TJP1: variants seen among roughly 807,000 people sequenced by gnomAD.
TJP1 encodes the protein tight junction protein 1.
TJP1 carries 43 observed loss-of-function variants against 194.2 expected under a neutral mutation model. The ratio of observed to expected loss-of-function variants is 0.22; its 90% confidence interval spans 0.17 to 0.29. TJP1 has a LOEUF of 0.29. Among genes scored for constraint, TJP1 ranks in the 10% least tolerant of loss-of-function variants. TJP1 has a pLI of 1.00. For missense variants in TJP1, 1,971 were observed against 2,185.7 expected, an observed-to-expected ratio of 0.90 and a Z score of 1.96; for synonymous variants, 801 against 779.0, an observed-to-expected ratio of 1.03 and a Z score of -0.47.
chr15:29,854,340 C>G (rs1363149110), intron 2 of TJP1, among the ~76,000 whole-genome samples: 1 of 151,994 alleles, frequency 6.6e-6, no homozygotes, highest in Non-Finnish European at 1.5e-5. Context: ...AAAAAAGGGT[C>G]TCTATAGATG....
rs1300066104 is a variant in TJP1 at position 29,935,881 on chromosome 15, G to T, written c.306+20351C>A. Among the ~76,000 whole-genome samples, 4 of 151,948 alleles carry T rather than the reference G, an allele frequency of 2.6e-5. No individual in the cohort carries two copies. In the East Asian group the frequency reaches 7.7e-4, roughly 29 times the overall value. ...GCCAGCTCTCCACTGCCACCCCCAG[G>T]CAGATGTGCTTTGCTGGAGAGAGTG... is the stretch of plus-strand genomic sequence containing the variant. On this transcript the variant is annotated intron_variant, in intron 2 of 28. Coordinates refer to the TJP1 transcript ENST00000356107.
Position 29,708,608 on chromosome 15 carries a change from T to C in TJP1, c.4801A>G (p.Lys1601Glu), listed in dbSNP as rs2151021137. ...GTGCTGATATTATTTATTTGATATT[T>C]AGGCTTCTCTGCATGGATAGAGAAA... Reference protein sequence around the residue: ...ETFSIHAEKPKYQINNISTVP... With the variant: ...ETFSIHAEKPEYQINNISTVP... The change falls in exon 25 of 28, where the codon AAA becomes GAA. Residue 1601 changes from lysine to glutamate, a missense_variant. Transcript: ENST00000614355. The C allele has an allele frequency of 1.2e-6, 2 of 1,614,020 alleles. No homozygotes were observed. Among genetic ancestry groups the C allele is most frequent in the African/African-American group, 2.7e-5 (2 of 75,056 alleles).
chr15:29,881,990 G>A (rs1160832172), intron 2 of TJP1, among the ~76,000 whole-genome samples: 1 of 151,746 alleles, frequency 6.6e-6, no homozygotes, highest in Non-Finnish European at 1.5e-5. Flanking sequence ...GTTCATCATT[G>A]TTAGGGTGGT....
intron 2 of TJP1, among the ~76,000 whole-genome samples, chr15:29,773,848 A>C (rs1419002743): frequency 1.3e-5 from 2 of 152,252 alleles, no homozygotes; most frequent in East Asian, 3.8e-4. Context: ...TCTGTAGAAT[A>C]TAATGCCTTG....
intron 2 of TJP1, among the ~76,000 whole-genome samples, chr15:29,954,386 T>A (rs1014723978): frequency 1.3e-5 from 2 of 152,202 alleles, no homozygotes; most frequent in African/African-American, 4.8e-5. Context: ...ATTAATTAGT[T>A]ATATGATTAT....
chr15:29,907,137 C>T (rs975676337), intron 2 of TJP1, among the ~76,000 whole-genome samples: 5 of 151,918 alleles, frequency 3.3e-5, no homozygotes, highest in East Asian at 3.9e-4. Flanking sequence ...AGGCCAGGTA[C>T]GGTGGCTCAT....
At chr15:29,857,969 G>C (rs2051924437) in intron 2 of TJP1, among the ~76,000 whole-genome samples, 1 of 152,108 alleles carries the variant, frequency 6.6e-6, no homozygotes. Context: ...CACCATGTTG[G>C]CCAGGCTGGT....
At chr15:29,869,433 T>C (rs1416424875) in intron 2 of TJP1, among the ~76,000 whole-genome samples, 1 of 152,208 alleles carries the variant, frequency 6.6e-6, no homozygotes, top group East Asian at 1.9e-4. Context: ...ACGTGACATC[T>C]CTGGGAGATT....
chr15:29,710,943 T>G lies in TJP1; in HGVS notation c.4260A>C (p.Glu1420Asp). The change falls in exon 24 of 28, where the codon GAA becomes GAC. Residue 1420 changes from glutamate to aspartate, a missense_variant. By Grantham distance (45) the Glu-to-Asp change is conservative. Coordinates refer to ENST00000614355, the MANE Select transcript of TJP1 (RefSeq NM_001330239.4). ...GAGGAGGGGGAGTGGCCTGGATGGG[T>G]TCATAGCGTTTCTCGCCAAATGATC... is the stretch of plus-strand genomic sequence containing the variant. The part of the protein sequence containing the change: ...VDRSFGEKRY[E>D]PIQATPPPPP... 1.2e-6 allele frequency: 2 copies of G among 1,614,004 alleles called. No homozygotes were observed. The highest frequency in any genetic ancestry group is 1.7e-6 in the Non-Finnish European group (2 of 1,179,996).
intron 8 of TJP1, among the ~76,000 whole-genome samples, chr15:29,745,926 G>A (rs1297913629): frequency 6.6e-6 from 1 of 152,216 alleles, no homozygotes; most frequent in Non-Finnish European, 1.5e-5. Flanking sequence ...CGAGTCTGGA[G>A]AATGGCTTAA....
Position 29,728,033 on chromosome 15 carries a change from C to T in TJP1, c.2018-14G>A. 1 of 1,612,176 alleles carries T rather than the reference C, an allele frequency of 6.2e-7. No homozygotes were observed. On this transcript the variant is annotated splice_polypyrimidine_tract_variant and intron_variant, in intron 15 of 27. Transcript: ENST00000614355. The stretch of plus-strand genomic sequence containing the variant: ...GTGGTTCACTCTCTATTCATTATGT[C>T]AGGACAAAAATAAGACATCAAATTT...
chr15:29,769,087 G>C (rs2046495583), intron 4 of TJP1, among the ~76,000 whole-genome samples: 1 of 152,094 alleles, frequency 6.6e-6, no homozygotes, highest in Admixed American at 6.5e-5. Flanking sequence ...CAACTTACAA[G>C]CATTCACAAA....
intron 2 of TJP1, among the ~76,000 whole-genome samples, chr15:29,890,552 C>T (rs934498704): frequency 6.6e-6 from 1 of 152,084 alleles, no homozygotes; most frequent in Non-Finnish European, 1.5e-5. Context: ...GAATGTTTCT[C>T]GGTTTTCTGA....
At chr15:29,863,480 C>T (rs2052174802) in intron 2 of TJP1, among the ~76,000 whole-genome samples, 1 of 152,186 alleles carries the variant, frequency 6.6e-6, no homozygotes, top group Admixed American at 6.5e-5. Flanking sequence ...TTGGCTAGAA[C>T]AGTGTTTTTA....
chr15:29,835,636 C>T (rs753339998), intron 2 of TJP1, among the ~76,000 whole-genome samples: 2 of 133,134 alleles, frequency 1.5e-5, no homozygotes, highest in African/African-American at 5.5e-5. Flanking sequence ...GGCCACAGGG[C>T]GAGACCCTAG....
intron 1 of TJP1, among the ~76,000 whole-genome samples, chr15:29,814,795 C>T (rs532426228): frequency 7.9e-5 from 12 of 152,176 alleles, no homozygotes; most frequent in Non-Finnish European, 1.6e-4. Context: ...CACCAGTTAA[C>T]TCACTTCCCA....
chr15:29,761,200 C>G lies in TJP1; in HGVS notation c.949G>C (p.Asp317His). 1 of 1,614,064 alleles carries G rather than the reference C, an allele frequency of 6.2e-7. No individual in the cohort carries two copies. Among genetic ancestry groups the G allele is most frequent in the Non-Finnish European group, 8.5e-7 (1 of 1,179,988 alleles). The change falls in exon 8 of 28, where the codon GAC becomes CAC. Residue 317 changes from aspartate (D) to histidine (H), a missense_variant. By Grantham distance (81) the Asp-to-His change is moderately conservative (BLOSUM62 -1). Transcript: ENST00000614355. ...PPRRSRSRSP[D>H]QRSEPSDHSR... ...TGATCAGAAGGCTCTGACCGCTGGT[C>G]AGGAGATCGTGACCGGCTGCGGCGG...
At chr15:29,900,760 C>T (rs2053610355) in intron 2 of TJP1, among the ~76,000 whole-genome samples, 1 of 152,192 alleles carries the variant, frequency 6.6e-6, no homozygotes, top group African/African-American at 2.4e-5. Flanking sequence ...AGTTTACAAA[C>T]TCTATTGAAT....
At chr15:29,792,282 G>A (rs778881590) in intron 2 of TJP1, among the ~76,000 whole-genome samples, 1 of 152,056 alleles carries the variant, frequency 6.6e-6, no homozygotes, top group Non-Finnish European at 1.5e-5. Context: ...TTTAGTATAC[G>A]GCAAGAAATA....
Sources: gnomAD v4.1 joint callset for allele counts (sites outside exome capture counted in the v4.1 genomes callset) on GRCh38, gnomAD v4.1.1 for gene constraint, MANE v1.5 for transcripts, NCBI Gene and HGNC (gene_info 2026-07-23, HGNC 2026-07-21) for gene names.